The following PRKD2 variants were observed in gnomAD, a reference collection of about 807,000 sequenced individuals.
The protein encoded by PRKD2 is serine/threonine-protein kinase D2.
A neutral mutation model predicts 86.0 loss-of-function variants in PRKD2; 22 were observed. That is an observed-to-expected ratio of 0.26 (90% confidence interval 0.18 to 0.37). PRKD2 has a LOEUF of 0.37. PRKD2 is among the 10% of genes least tolerant of loss of function. The pLI is 1.00. For missense variants in PRKD2, 818 were observed against 1,199.2 expected (o/e 0.68, Z 4.70); for synonymous variants, 509 against 510.9 (o/e 1.00, Z 0.05).
chr19:46,708,972 G>GTTTTTTT (rs1363680607), intron 3 of PRKD2, among the ~76,000 whole-genome samples: 1 of 136,376 alleles, frequency 7.3e-6, no homozygotes, highest in Non-Finnish European at 1.6e-5. Flanking sequence ...TTTGTTTGTG[G>GTTTTTTT]TTTTTTTTTT....
intron 15 of PRKD2, among the ~76,000 whole-genome samples, chr19:46,681,238 G>A (rs1191262245): frequency 4.7e-5 from 7 of 148,912 alleles, no homozygotes; most frequent in Non-Finnish European, 1.0e-4. Flanking sequence ...TTACAGGCGT[G>A]AGCCACCGCA....
rs1344323807 is a variant in PRKD2, at chr19:46,716,112, A to G, written c.240+19T>C. ...TTCAACCTCTCCCCGAGCTGGATCC[A>G]GGGAGCCTGCGCCCTCACCTTCTGG... is the stretch of plus-strand genomic sequence containing the variant. On this transcript the variant is annotated intron_variant, in intron 1 of 17. Coordinates refer to ENST00000291281, the MANE Select transcript of PRKD2 (RefSeq NM_016457.5). The surrounding 1 kb of genome is among the most constrained non-coding windows in gnomAD (Gnocchi z 7.9). 1.9e-6 allele frequency: 3 copies of G among 1,606,360 alleles called. No homozygotes were observed. The highest frequency in any genetic ancestry group is 1.7e-5 in the Admixed American group (1 of 59,528).
At chr19:46,714,436 G>T in intron 1 of PRKD2, 1 of 388,668 alleles carries the variant, frequency 2.6e-6, no homozygotes, top group Non-Finnish European at 3.5e-6. Context: ...CACTGGGGTG[G>T]GGCGAGCTGG....
In PRKD2 at chr19:46,679,348, A is replaced by C. The variant is rs557391370; in HGVS notation, c.2071-685T>G. Among the ~76,000 whole-genome samples the C allele has an allele frequency of 9.2e-5, 14 of 152,318 alleles. No individual in the cohort carries two copies. In the South Asian group the frequency reaches 1.0e-3, roughly 11 times the overall value. On this transcript the variant is annotated intron_variant, in intron 15 of 17. Transcript: ENST00000291281. ...CCGTCTCAAAAAACAAACAAAAAAAACATGAAACATAATGGAGATCTTAAC... is the reference window on the plus strand; with the variant it reads ...CCGTCTCAAAAAACAAACAAAAAAACCATGAAACATAATGGAGATCTTAAC...
At chr19:46,697,965 G>T in intron 7 of PRKD2, 115 bp from the exon 8 acceptor site, 1 of 846,466 alleles carries the variant, frequency 1.2e-6, no homozygotes, top group South Asian at 1.5e-5. Flanking sequence ...TTGTTTGTTT[G>T]GTTTGTTTTG....
At chr19:46,710,808 G>A (rs1008900635) in intron 3 of PRKD2, 99 bp downstream of exon 3, 2 of 1,291,432 alleles carry the variant, frequency 1.5e-6, no homozygotes, top group Admixed American at 5.3e-5. Context: ...TCTGAGACCC[G>A]CTCCTCCTCC....
At chr19:46,679,498 T>C (rs977484791) in intron 15 of PRKD2, among the ~76,000 whole-genome samples, 3 of 152,222 alleles carry the variant, frequency 2.0e-5, no homozygotes, top group Non-Finnish European at 4.4e-5. Context: ...CTCCAGGCCT[T>C]GATTTTGTCA....
intron 9 of PRKD2, 46 bp from the exon 10 acceptor site, chr19:46,694,179 T>C: frequency 1.3e-6 from 2 of 1,598,266 alleles, no homozygotes; most frequent in South Asian, 1.1e-5. Context: ...AGGCAGACCT[T>C]GGAATTCTAG....
chr19:46,701,310 A>G (rs950078309), intron 5 of PRKD2, among the ~76,000 whole-genome samples, 198 bp from the exon 6 acceptor site: 3 of 151,650 alleles, frequency 2.0e-5, no homozygotes, highest in African/African-American at 7.3e-5. Context: ...TTGATTAAGT[A>G]GGAGGGCTAG....
rs754220558 is a variant in PRKD2 at position 46,674,633 on chromosome 19, C to G, written c.2527G>C (p.Glu843Gln). ...DDARWEQFAA[E>Q]HPLPGSGLPT... ...AGCCCAGACCCAGGCAGCGGATGCT[C>G]TGCTGCAAACTGCTCCCAGCGCGCG... The change falls in exon 18 of 18, where the codon GAG (glutamate) becomes CAG (glutamine). Residue 843 changes from glutamate (E) to glutamine (Q), a missense_variant. Glu to Gln is a conservative substitution (Grantham distance 29). Around this residue, in one of 5 missense-constraint regions of PRKD2, gnomAD observed 132 missense variants for 146.2 expected, o/e 0.90. Coordinates refer to ENST00000291281, the MANE Select transcript of PRKD2 (RefSeq NM_016457.5). 1.9e-6 allele frequency: 3 copies of G among 1,608,344 alleles called. No homozygotes were observed. In the South Asian group the frequency reaches 3.3e-5, roughly 18 times the overall value.
At chr19:46,709,213 A>T (rs1873312313) in intron 3 of PRKD2, 1 of 156,712 alleles carries the variant, frequency 6.4e-6, no homozygotes, top group Non-Finnish European at 1.5e-5. Flanking sequence ...TGACCTCATG[A>T]TCCGCCTGCC....
At position 46,707,735 on chromosome 19, in the gene PRKD2, A is replaced by G. The variant is rs12609938; in HGVS notation, c.512-3086T>C. Among the ~76,000 whole-genome samples, 652 of 152,292 alleles carry G rather than the reference A, an allele frequency of 4.3e-3. 11 individuals are homozygous for G. Among genetic ancestry groups the G allele is most frequent in the East Asian group, 0.021 (106 of 5,168 alleles). On this transcript the variant is annotated intron_variant, in intron 3 of 17. Coordinates refer to ENST00000291281, the MANE Select transcript of PRKD2 (RefSeq NM_016457.5). ...AACATTCTCACTCAGAAGCATGAAT[A>G]ACAGGGACAGAGGACCTATATAGAT...
intron 3 of PRKD2, 92 bp downstream of exon 3, chr19:46,710,815 C>T: frequency 1.5e-6 from 2 of 1,341,722 alleles, no homozygotes; most frequent in East Asian, 2.6e-5. Context: ...CCCGCTCCTC[C>T]TCCCCACGCT....
intron 9 of PRKD2, 114 bp from the exon 10 acceptor site, chr19:46,694,247 A>G: frequency 7.2e-7 from 1 of 1,379,640 alleles, no homozygotes; most frequent in African/African-American, 1.4e-5. Flanking sequence ...TGGTTTGCAC[A>G]GTGGTCAGAC....
chr19:46,714,360 A>T, intron 1 of PRKD2: 1 of 950,572 alleles, frequency 1.1e-6, no homozygotes, highest in Non-Finnish European at 1.3e-6. Context: ...AGGCTCACAC[A>T]CCCGCCCCCC....
At chr19:46,692,708 A>G (rs1195479236) in intron 10 of PRKD2, among the ~76,000 whole-genome samples, 1 of 152,052 alleles carries the variant, frequency 6.6e-6, no homozygotes, top group Non-Finnish European at 1.5e-5. Context: ...TCTACCTCTG[A>G]CTTCTACCCC....
chr19:46,690,610 G>C lies in PRKD2; in HGVS notation c.1799C>G (p.Ala600Gly). 6.2e-7 allele frequency: 1 copy of C among 1,614,094 alleles called. No individual in the cohort carries two copies. Among genetic ancestry groups the C allele is most frequent in the Non-Finnish European group, 8.5e-7 (1 of 1,179,938 alleles). The change falls in exon 13 of 18, where the codon GCC becomes GGC. Residue 600 changes from alanine (A) to glycine (G), a missense_variant. Physicochemically the swap from Ala to Gly is moderately conservative, Grantham distance 60. Coordinates refer to ENST00000291281, the MANE Select transcript of PRKD2 (RefSeq NM_016457.5). ...CGGCCTGGTGGTTACCTGCAGAATGGCCACTTCATTCCGGAGCTGGCTCTC... is the reference window on the plus strand; with the variant it reads ...CGGCCTGGTGGTTACCTGCAGAATGCCCACTTCATTCCGGAGCTGGCTCTC... The part of the protein sequence containing the change: ...KQESQLRNEV[A>G]ILQSLRHPGI...
intron 7 of PRKD2, among the ~76,000 whole-genome samples, chr19:46,700,067 C>G (rs2122723118): frequency 6.7e-6 from 1 of 148,500 alleles, no homozygotes. Context: ...AAAACCCTGT[C>G]TCTACTAAAA....
chr19:46,697,365 C>T (rs1188849082), intron 8 of PRKD2, 131 bp from the exon 9 acceptor site: 2 of 660,742 alleles, frequency 3.0e-6, no homozygotes. Context: ...CTACCCCACG[C>T]CGTAACCCCA....
Sources: allele counts gnomAD v4.1 joint callset (sites outside exome capture counted in the v4.1 genomes callset), GRCh38; gene constraint gnomAD v4.1.1; regional missense constraint gnomAD v4.1.1; non-coding constraint Gnocchi (gnomAD v3.1); transcripts MANE v1.5; gene names NCBI Gene and HGNC (gene_info 2026-07-23, HGNC 2026-07-21).